MYL4: variants seen among roughly 807,000 people sequenced by gnomAD.
The protein encoded by MYL4 is myosin light chain 4, also known as atrial myosin light chain 1.
In MYL4, 16 loss-of-function variants were observed where a neutral mutation model predicts 21.6. The observed-to-expected ratio is 0.74, with a 90% CI of 0.50 to 1.12. The LOEUF (loss-of-function observed/expected upper bound fraction) is 1.12, where lower values mean the gene tolerates loss of function less well. Among genes scored for constraint, MYL4 ranks in the 50% most tolerant of loss-of-function variants. The probability of loss-of-function intolerance (pLI) is 0.00; values close to 1 mark genes in which losing one functional copy is unlikely to be tolerated. For missense variants in MYL4, 249 were observed against 252.9 expected, an observed-to-expected ratio of 0.98 and a Z score of 0.11; for synonymous variants, 82 against 95.7, an observed-to-expected ratio of 0.86 and a Z score of 0.83.
upstream of MYL4, among the ~76,000 whole-genome samples, chr17:47,208,584 C>G (rs2064747066): frequency 1.4e-5 from 2 of 138,718 alleles, no homozygotes; most frequent in Admixed American, 7.0e-5. Context: ...CACACACACA[C>G]ACACAGAGCA....
Position 47,209,457 on chromosome 17 carries a change from C to G in MYL4, c.35C>G (p.Ala12Gly). 1 of 1,614,212 alleles carries G rather than the reference C, an allele frequency of 6.2e-7. No individual in the cohort carries two copies. Among genetic ancestry groups the G allele is most frequent in the Non-Finnish European group, 8.5e-7 (1 of 1,180,038 alleles). Residue 12 changes from alanine to glycine, a missense_variant, in exon 1 of 7, where the codon GCA becomes GGA. Coordinates refer to ENST00000393450, the MANE Select transcript of MYL4 (RefSeq NM_002476.2). ...AAGAAGCCTGAGCCTAAGAAGGAGGCAGCCAAGCCAGCTCCAGCTCCAGCT... is the reference window on the plus strand; with the variant it reads ...AAGAAGCCTGAGCCTAAGAAGGAGGGAGCCAAGCCAGCTCCAGCTCCAGCT... ...APKKPEPKKE[A>G]AKPAPAPAPA...
upstream of MYL4, among the ~76,000 whole-genome samples, chr17:47,206,377 G>C (rs1280713250): frequency 6.6e-6 from 1 of 152,160 alleles, no homozygotes; most frequent in African/African-American, 2.4e-5. Context: ...CAACCTTCCA[G>C]CTTTTTCTTC....
intron 2 of MYL4, among the ~76,000 whole-genome samples, chr17:47,217,668 T>G (rs1032582383): frequency 6.6e-5 from 10 of 152,198 alleles, no homozygotes; most frequent in African/African-American, 2.4e-4. Context: ...TTAAAAATTT[T>G]TACATACATT....
At chr17:47,196,116 C>G (rs1249580349), upstream of MYL4, among the ~76,000 whole-genome samples, 3 of 152,170 alleles carry the variant, frequency 2.0e-5, no homozygotes, top group Non-Finnish European at 4.4e-5. Flanking sequence ...TGTATTTGGA[C>G]ATGGGGTCTC....
intron 3 of MYL4, among the ~76,000 whole-genome samples, 162 bp from the exon 4 acceptor site, chr17:47,221,520 G>T (rs1013503834): frequency 1.3e-5 from 2 of 152,196 alleles, no homozygotes; most frequent in East Asian, 3.8e-4. Context: ...TGGATGGGAA[G>T]CTCTGTGTCC....
the MYL4 span, among the ~76,000 whole-genome samples, chr17:47,192,387 C>T: frequency 2.5e-3 from 377 of 151,236 alleles, 2 homozygotes; most frequent in Non-Finnish European, 2.5e-3. Flanking sequence ...CGTTGGCTCA[C>T]GCCTGTAATC....
chr17:47,221,955 G>C, intron 4 of MYL4, 100 bp downstream of exon 4: 3 of 1,324,180 alleles, frequency 2.3e-6, no homozygotes, highest in Non-Finnish European at 3.1e-6. Flanking sequence ...GGTATACAAG[G>C]GTCTTTGCAT....
At chr17:47,215,837 C>CTGGA (rs1206645312) in intron 2 of MYL4, among the ~76,000 whole-genome samples, 1 of 152,132 alleles carries the variant, frequency 6.6e-6, no homozygotes, top group Non-Finnish European at 1.5e-5. Flanking sequence ...CTCACCTAGG[C>CTGGA]TGGAGTGCAA....
upstream of MYL4, among the ~76,000 whole-genome samples, chr17:47,200,150 C>T (rs1425881878): frequency 6.8e-6 from 1 of 147,556 alleles, no homozygotes; most frequent in Non-Finnish European, 1.5e-5. Flanking sequence ...CCAAGACAAG[C>T]ACACTAGATC....
Position 47,201,297 on chromosome 17 carries a change from T to C in MYL4, c.-35+711T>C, listed in dbSNP as rs558504929. Among the ~76,000 whole-genome samples, 150 of 152,348 alleles carry C rather than the reference T, an allele frequency of 9.8e-4. 1 individual carries two copies. The highest frequency in any genetic ancestry group is 3.5e-3 in the African/African-American group (145 of 41,598). ...TTGGTGTTCTGGGCCTTATGAATTA[T>C]TGAGCCTTCAGGTGATTCATTGCTT... On this transcript the variant is annotated intron_variant and NMD_transcript_variant, in intron 1 of 6. Coordinates refer to the MYL4 transcript ENST00000571981.
upstream of MYL4, among the ~76,000 whole-genome samples, chr17:47,199,967 C>A: frequency 6.6e-6 from 1 of 150,776 alleles, no homozygotes. Flanking sequence ...TCTCGAATTC[C>A]TGGGCTCAAG....
intron 1 of MYL4, 147 bp downstream of exon 1, chr17:47,209,704 G>A (rs769233506): frequency 1.6e-6 from 2 of 1,226,576 alleles, no homozygotes; most frequent in South Asian, 2.5e-5. Flanking sequence ...TGGGGCAGTG[G>A]AGTGGGTGTT....
intron 2 of MYL4, 88 bp downstream of exon 2, chr17:47,213,914 C>T (rs1338424919): frequency 7.0e-7 from 1 of 1,431,258 alleles, no homozygotes; most frequent in Non-Finnish European, 9.9e-7. Context: ...AGTAGTTGTC[C>T]TCATGGTAAT....
chr17:47,191,958 A>G, the MYL4 span, among the ~76,000 whole-genome samples: 1 of 152,216 alleles, frequency 6.6e-6, no homozygotes, highest in African/African-American at 2.4e-5. Flanking sequence ...CTTTGTGAAA[A>G]TATGGATCTA....
chr17:47,212,334 T>C (rs1329711017), intron 1 of MYL4, among the ~76,000 whole-genome samples: 1 of 152,254 alleles, frequency 6.6e-6, no homozygotes, highest in Non-Finnish European at 1.5e-5. Flanking sequence ...AAATCTAAAA[T>C]GTATTACTTC....
At chr17:47,193,629 G>C in the MYL4 span, among the ~76,000 whole-genome samples, 2 of 152,104 alleles carry the variant, frequency 1.3e-5, no homozygotes, top group Non-Finnish European at 2.9e-5. Flanking sequence ...TTAATATTAA[G>C]CATGCTTCAA....
chr17:47,194,110 C>G, the MYL4 span, among the ~76,000 whole-genome samples: 1 of 152,196 alleles, frequency 6.6e-6, no homozygotes, highest in Admixed American at 6.5e-5. Context: ...TTTGTATCTC[C>G]AGCCAGACTA....
chr17:47,210,808 G>A (rs1230440926), intron 1 of MYL4, among the ~76,000 whole-genome samples: 2 of 152,094 alleles, frequency 1.3e-5, no homozygotes, highest in East Asian at 3.9e-4. Flanking sequence ...GGAAACTGAG[G>A]CTACTGTAGG....
upstream of MYL4, among the ~76,000 whole-genome samples, chr17:47,208,145 C>T (rs918810681): frequency 9.2e-5 from 14 of 152,280 alleles, no homozygotes; most frequent in African/African-American, 2.6e-4. Flanking sequence ...CCTGGCGTGG[C>T]GGCTTATGCC....
Sources: gnomAD v4.1 joint callset for allele counts (sites outside exome capture counted in the v4.1 genomes callset) on GRCh38, gnomAD v4.1.1 for gene constraint, MANE v1.5 for transcripts, NCBI Gene and HGNC (gene_info 2026-07-23, HGNC 2026-07-21) for gene names.